Variants in ADAM28 observed in about 807,000 individuals in gnomAD.
ADAM28 encodes ADAM metallopeptidase domain 28, also known as disintegrin and metalloproteinase domain-containing protein 28.
In ADAM28, 105 loss-of-function variants were observed where a neutral mutation model predicts 101.2. The observed-to-expected ratio is 1.04, with a 90% CI of 0.89 to 1.22. The LOEUF (loss-of-function observed/expected upper bound fraction) is 1.22. ADAM28 is among the 50% of genes most tolerant of loss of function. The pLI is 0.00. For synonymous variants in ADAM28, 322 were observed against 310.6 expected (o/e 1.04, Z -0.39); for missense variants, 1,028 against 945.4 (o/e 1.09, Z -1.15).
At chr8:24,294,394 A>T (rs1398881107) in intron 1 of ADAM28, among the ~76,000 whole-genome samples, 199 bp downstream of exon 1, 1 of 152,198 alleles carries the variant, frequency 6.6e-6, no homozygotes, top group Non-Finnish European at 1.5e-5. Flanking sequence ...AAAAGAGGCA[A>T]CAAGAGGTCT....
rs1816799528 is a variant in ADAM28 at position 24,358,139 on chromosome 8, A to G, written c.*3735A>G. ...TTTTAAAAATTAAAGCAAAATGTGT[A>G]TAAACTTTATTACTGCTTCCCACAG... On this transcript the variant is annotated 3_prime_UTR_variant, in exon 23 of 23. Transcript: ENST00000265769. 1 of 152,198 alleles carries G rather than the reference A, an allele frequency of 6.6e-6. No homozygotes were observed. Among genetic ancestry groups the G allele is most frequent in the African/African-American group, 2.4e-5 (1 of 41,456 alleles). The allele number at this position is 152,198 out of a possible 1,614,324, so 9.4% of individuals were successfully genotyped here.
In ADAM28 at chr8:24,311,408, C is replaced by G; in HGVS notation, c.354C>G (p.Asp118Glu). 1.9e-6 allele frequency: 3 copies of G among 1,613,016 alleles called. No individual in the cohort carries two copies. The highest frequency in any genetic ancestry group is 2.5e-6 in the Non-Finnish European group (3 of 1,179,450). The change falls in exon 5 of 23, where the codon GAC becomes GAG. Residue 118 changes from aspartate (D) to glutamate (E), a missense_variant. Asp to Glu is a conservative substitution (Grantham distance 45). Coordinates refer to ENST00000265769, the MANE Select transcript of ADAM28 (RefSeq NM_014265.6). ...ATATTCTTAATGAAAAGGTTTCTGA[C>G]GCTAGCATCAGCACATGTAGGGGTC... The part of the protein sequence containing the change: ...QGHILNEKVS[D>E]ASISTCRGLR...
intron 21 of ADAM28, among the ~76,000 whole-genome samples, chr8:24,353,191 G>C (rs1816373107): frequency 2.0e-5 from 3 of 151,888 alleles, no homozygotes; most frequent in Admixed American, 2.0e-4. Context: ...TTCATTTCTA[G>C]ATGTTTATTT....
intron 12 of ADAM28, 44 bp from the exon 13 acceptor site, chr8:24,332,616 C>G (rs1365282577): frequency 8.2e-7 from 1 of 1,221,706 alleles, no homozygotes; most frequent in Admixed American, 2.2e-5. Flanking sequence ...GAACTGGGAC[C>G]AAAAAGTAAT....
At chr8:24,310,052 G>A in intron 3 of ADAM28, 82 bp downstream of exon 3, 1 of 1,483,646 alleles carries the variant, frequency 6.7e-7, no homozygotes, top group Admixed American at 1.7e-5. Flanking sequence ...TGCTGCTTAT[G>A]GCTCACACAA....
chr8:24,294,396 A>G (rs1159891926), intron 1 of ADAM28, among the ~76,000 whole-genome samples: 6 of 152,364 alleles, frequency 3.9e-5, no homozygotes, highest in African/African-American at 1.4e-4. Flanking sequence ...AAGAGGCAAC[A>G]AGAGGTCTTG....
At chr8:24,353,886 C>A in intron 22 of ADAM28, 54 bp downstream of exon 22, 2 of 1,228,808 alleles carry the variant, frequency 1.6e-6, no homozygotes, top group Non-Finnish European at 1.2e-6. Context: ...CTCCTACTGT[C>A]AAGAGAAGGC....
intron 21 of ADAM28, among the ~76,000 whole-genome samples, chr8:24,353,489 A>C (rs990552579): frequency 6.6e-6 from 1 of 152,144 alleles, no homozygotes; most frequent in Admixed American, 6.6e-5. Flanking sequence ...ATAAAAATGG[A>C]GCACTTAATT....
At chr8:24,343,450 GC>G in intron 17 of ADAM28, 55 bp from the exon 18 acceptor site, 4 of 1,536,380 alleles carry the variant, frequency 2.6e-6, no homozygotes, top group Non-Finnish European at 3.6e-6. Flanking sequence ...GATGAGTAGG[GC>G]CTTGAGTTTC....
chr8:24,300,838 T>C (rs543730831), intron 2 of ADAM28: 2 of 152,266 alleles, frequency 1.3e-5, no homozygotes, highest in Admixed American at 6.5e-5. Context: ...GAAAACAAAA[T>C]ACAGCAGGTG....
chr8:24,338,600 T>A (rs1402302883), intron 14 of ADAM28, among the ~76,000 whole-genome samples: 1 of 152,242 alleles, frequency 6.6e-6, no homozygotes, highest in Non-Finnish European at 1.5e-5. Flanking sequence ...AAAACTCATT[T>A]TATCTTACAC....
intron 5 of ADAM28, 45 bp from the exon 6 acceptor site, chr8:24,313,343 T>C: frequency 6.5e-7 from 1 of 1,542,188 alleles, no homozygotes; most frequent in Non-Finnish European, 8.7e-7. Context: ...ATGAACCTAA[T>C]GCAACAATAT....
chr8:24,335,732 C>T (rs779601076), intron 14 of ADAM28, 91 bp downstream of exon 14: 4 of 1,343,246 alleles, frequency 3.0e-6, no homozygotes, highest in East Asian at 5.6e-5. Flanking sequence ...CCATTCTGTC[C>T]TATCCTTCTT....
At position 24,353,750 on chromosome 8, in the gene ADAM28, T is replaced by A. The variant is rs1353997786; in HGVS notation, c.2245-20T>A. 2 of 1,413,452 alleles carry A rather than the reference T, an allele frequency of 1.4e-6. No individual in the cohort carries two copies. The highest frequency in any genetic ancestry group is 2.0e-6 in the Non-Finnish European group (2 of 999,408). The allele number at this position is 1,413,452 out of a possible 1,614,324, so 87.6% of individuals were successfully genotyped here. A position where few individuals can be genotyped will look rare whatever the true frequency, so the allele number is the denominator to read the frequency against. ...CATAGCATTTCTAATGCCATACCAT[T>A]GTTTTTATAATTAACGTAGCATAAA... On this transcript the variant is annotated intron_variant, in intron 21 of 22. Coordinates refer to ENST00000265769, the MANE Select transcript of ADAM28 (RefSeq NM_014265.6).
chr8:24,326,433 A>T, intron 9 of ADAM28, 121 bp from the exon 10 acceptor site: 1 of 868,796 alleles, frequency 1.2e-6, no homozygotes, highest in Admixed American at 2.7e-5. Flanking sequence ...CTAAAGAAAA[A>T]TATGACAGTG....
intron 9 of ADAM28, among the ~76,000 whole-genome samples, chr8:24,324,689 T>C (rs1812312216): frequency 6.6e-6 from 1 of 151,984 alleles, no homozygotes; most frequent in African/African-American, 2.4e-5. Flanking sequence ...ATTTCTGGGC[T>C]TGAAATAAGG....
intron 15 of ADAM28, among the ~76,000 whole-genome samples, chr8:24,340,051 T>C (rs553744076): frequency 2.6e-4 from 40 of 152,312 alleles, no homozygotes; most frequent in Admixed American, 9.8e-4. Flanking sequence ...TATGAAAATA[T>C]TGACAATTCA....
chr8:24,306,283 G>A (rs190526310), intron 2 of ADAM28, among the ~76,000 whole-genome samples: 50 of 149,544 alleles, frequency 3.3e-4, no homozygotes, highest in African/African-American at 1.1e-3. Flanking sequence ...GGCAGAGGTG[G>A]CAGTGAGCTG....
At chr8:24,310,951 A>T (rs1810377032) in intron 4 of ADAM28, among the ~76,000 whole-genome samples, 1 of 152,240 alleles carries the variant, frequency 6.6e-6, no homozygotes, top group Non-Finnish European at 1.5e-5. Flanking sequence ...AAGAAAAAAC[A>T]AAAACCCAAT....
Sources: gnomAD v4.1 joint callset for allele counts (sites outside exome capture counted in the v4.1 genomes callset) on GRCh38, gnomAD v4.1.1 for gene constraint, MANE v1.5 for transcripts, NCBI Gene and HGNC (gene_info 2026-07-23, HGNC 2026-07-21) for gene names.